Variants in KCNN2 observed in about 807,000 individuals in gnomAD.
KCNN2 encodes the protein potassium calcium-activated channel subfamily N member 2, also known as small conductance calcium-activated potassium channel protein 2.
KCNN2 carries 24 observed loss-of-function variants against 55.5 expected under a neutral mutation model. That is an observed-to-expected ratio of 0.43 (90% CI 0.31 to 0.61). The LOEUF is 0.61. Among genes scored for constraint, KCNN2 ranks in the 20% least tolerant of loss-of-function variants. The probability of loss-of-function intolerance (pLI) is 0.08; values close to 1 mark genes in which losing one functional copy is unlikely to be tolerated. For missense variants in KCNN2, 754 were observed against 853.6 expected (o/e 0.88, Z 1.45); for synonymous variants, 431 against 336.1 (o/e 1.28, Z -3.09).
intron 2 of KCNN2, among the ~76,000 whole-genome samples, chr5:114,301,641 T>G (rs902140219): frequency 6.6e-6 from 1 of 152,134 alleles, no homozygotes; most frequent in African/African-American, 2.4e-5. Flanking sequence ...GGAGCCAAAC[T>G]AATATAACTT....
intron 1 of KCNN2, among the ~76,000 whole-genome samples, chr5:114,158,925 G>A (rs577728106): frequency 2.5e-3 from 377 of 152,250 alleles, no homozygotes; most frequent in African/African-American, 8.7e-3. Context: ...GGGTTTTCTA[G>A]ATATACAATC....
At chr5:114,353,842 T>C (rs772098506) in intron 2 of KCNN2, among the ~76,000 whole-genome samples, 1 of 151,980 alleles carries the variant, frequency 6.6e-6, no homozygotes, top group Non-Finnish European at 1.5e-5. Context: ...ACTTGGCATG[T>C]TATTTTTCTT....
intron 2 of KCNN2, among the ~76,000 whole-genome samples, chr5:114,247,427 T>A (rs569671649): frequency 1.3e-5 from 2 of 152,268 alleles, no homozygotes; most frequent in African/African-American, 4.8e-5. Context: ...ATTATTTAGA[T>A]TTTGAACTCT....
intron 2 of KCNN2, among the ~76,000 whole-genome samples, chr5:114,267,937 T>A (rs371784334): frequency 6.6e-6 from 1 of 152,326 alleles, no homozygotes; most frequent in South Asian, 2.1e-4. Context: ...CAGATGCTTT[T>A]ATGGCCATTG....
At chr5:114,105,757 C>T (rs1260562716) in intron 1 of KCNN2, among the ~76,000 whole-genome samples, 1 of 151,960 alleles carries the variant, frequency 6.6e-6, no homozygotes, top group Non-Finnish European at 1.5e-5. Context: ...GAGGAAAGTT[C>T]ATGAATGTCT....
intron 1 of KCNN2, among the ~76,000 whole-genome samples, chr5:114,153,400 T>C (rs1752565512): frequency 6.6e-6 from 1 of 152,164 alleles, no homozygotes; most frequent in Admixed American, 6.5e-5. Flanking sequence ...GGGACCCCTG[T>C]CAAGAACTGT....
intron 5 of KCNN2, among the ~76,000 whole-genome samples, chr5:114,479,026 A>G (rs1465828110): frequency 6.6e-6 from 1 of 151,414 alleles, no homozygotes; most frequent in East Asian, 2.2e-4. Flanking sequence ...TCATGATGAC[A>G]GGATCAAATT....
At chr5:114,088,640 G>T (rs141078027) in intron 1 of KCNN2, among the ~76,000 whole-genome samples, 3,070 of 152,072 alleles carry the variant, frequency 0.02, 43 homozygotes, top group Non-Finnish European at 0.032. Flanking sequence ...TTGTTTTTGA[G>T]ATGGAGTCTC....
At chr5:114,382,854 C>G (rs192279301) in intron 2 of KCNN2, among the ~76,000 whole-genome samples, 2 of 152,298 alleles carry the variant, frequency 1.3e-5, no homozygotes, top group Admixed American at 1.3e-4. Flanking sequence ...GTGATTGGGC[C>G]TGTCTGCTCA....
At chr5:114,133,755 A>G (rs1038991919) in intron 1 of KCNN2, among the ~76,000 whole-genome samples, 4 of 152,228 alleles carry the variant, frequency 2.6e-5, no homozygotes, top group Admixed American at 6.5e-5. Context: ...ACTGAAAACA[A>G]ATGTTAACAC....
rs746297287 is a variant in KCNN2, at chr5:114,404,792, G to A, written c.1573G>A (p.Val525Ile). 5.0e-5 allele frequency: 81 copies of A among 1,613,716 alleles called. No homozygotes were observed. Among genetic ancestry groups the A allele is most frequent in the Non-Finnish European group, 6.7e-5 (79 of 1,179,858 alleles). The change falls in exon 3 of 8, where the codon GTA (valine) becomes ATA (isoleucine). Residue 525 changes from valine to isoleucine, a missense_variant. Val to Ile is a conservative substitution (Grantham distance 29). This residue lies in a region of KCNN2 where 86 missense variants were observed against 233.0 expected (regional missense o/e 0.37). Coordinates refer to ENST00000673685, the MANE Select transcript of KCNN2 (RefSeq NM_021614.4). ...KTLMTICPGT[V>I]LLVFSISLWI... ...TTTAATGACTATATGCCCAGGAACTGTACTCTTGGTTTTTAGTATCTCATT... is the reference window on the plus strand; with the variant it reads ...TTTAATGACTATATGCCCAGGAACTATACTCTTGGTTTTTAGTATCTCATT...
intron 2 of KCNN2, among the ~76,000 whole-genome samples, chr5:114,401,646 T>A (rs1223502842): frequency 6.6e-6 from 1 of 152,122 alleles, no homozygotes; most frequent in Non-Finnish European, 1.5e-5. Context: ...GTTTCCAGAT[T>A]TTTACAGGGC....
At chr5:114,272,447 CAT>C (rs10654368) in intron 2 of KCNN2, among the ~76,000 whole-genome samples, 1 of 137,360 alleles carries the variant, frequency 7.3e-6, no homozygotes, top group Non-Finnish European at 1.5e-5. Context: ...CATATACACA[CAT>C]ATGTATGTAC....
At chr5:114,281,557 C>T (rs144573547) in intron 2 of KCNN2, among the ~76,000 whole-genome samples, 3 of 130,014 alleles carry the variant, frequency 2.3e-5, no homozygotes, top group African/African-American at 8.4e-5. Flanking sequence ...GTAGGAACTG[C>T]TTCCATTTTC....
At chr5:114,253,864 T>G (rs1184046319) in intron 2 of KCNN2, 2 of 152,222 alleles carry the variant, frequency 1.3e-5, no homozygotes, top group Non-Finnish European at 2.9e-5. Context: ...TTGTATTAGA[T>G]TGTTAGATGT....
At chr5:114,348,625 T>C (rs967706189) in intron 2 of KCNN2, among the ~76,000 whole-genome samples, 18 of 152,166 alleles carry the variant, frequency 1.2e-4, no homozygotes, top group African/African-American at 4.3e-4. Flanking sequence ...CTTATTTATA[T>C]ACTAAAATTC....
At chr5:114,093,137 C>T (rs1236923787) in intron 1 of KCNN2, among the ~76,000 whole-genome samples, 1 of 152,156 alleles carries the variant, frequency 6.6e-6, no homozygotes, top group East Asian at 1.9e-4. Context: ...TCATCTCTCT[C>T]AAGTTCAACG....
At chr5:114,229,554 A>G (rs1344336984) in intron 2 of KCNN2, among the ~76,000 whole-genome samples, 1 of 152,008 alleles carries the variant, frequency 6.6e-6, no homozygotes, top group African/African-American at 2.4e-5. Flanking sequence ...TTTAGGACAT[A>G]TCAGAGTACC....
chr5:114,145,931 T>C (rs1752390062), intron 1 of KCNN2, among the ~76,000 whole-genome samples: 1 of 151,882 alleles, frequency 6.6e-6, no homozygotes, highest in Admixed American at 6.6e-5. Context: ...TTTTTGACGG[T>C]TGGATGTGCT....
Sources: gnomAD v4.1 joint callset for allele counts (sites outside exome capture counted in the v4.1 genomes callset) on GRCh38, gnomAD v4.1.1 for gene constraint, gnomAD v4.1.1 regional missense constraint, MANE v1.5 for transcripts, NCBI Gene and HGNC (gene_info 2026-07-23, HGNC 2026-07-21) for gene names.